The following P3H2 variants were observed in gnomAD, a reference collection of about 807,000 sequenced individuals.
P3H2 encodes the protein leprecan-like 1.
P3H2 carries 80 observed loss-of-function variants against 87.0 expected under a neutral mutation model. That is an observed-to-expected ratio of 0.92 (90% confidence interval 0.77 to 1.11). The LOEUF (loss-of-function observed/expected upper bound fraction) is 1.11. P3H2 is among the 50% of genes least tolerant of loss of function. P3H2 has a pLI of 0.00. For synonymous variants in P3H2, 367 were observed against 359.3 expected (o/e 1.02, Z -0.24); for missense variants, 1,001 against 923.9 (o/e 1.08, Z -1.08).
intron 1 of P3H2, among the ~76,000 whole-genome samples, chr3:190,045,133 C>CT (rs1264196096): frequency 1.3e-5 from 2 of 152,102 alleles, no homozygotes; most frequent in Non-Finnish European, 2.9e-5. Flanking sequence ...TTGAGGAAGA[C>CT]CTTTGGCATC....
chr3:190,099,233 G>A (rs180993802), intron 1 of P3H2, among the ~76,000 whole-genome samples: 23 of 152,264 alleles, frequency 1.5e-4, no homozygotes, highest in Middle Eastern at 3.4e-3. Flanking sequence ...CAAATTATGC[G>A]TGGAACGAAG....
At chr3:190,111,989 T>C (rs1458502131) in intron 1 of P3H2, among the ~76,000 whole-genome samples, 1 of 152,208 alleles carries the variant, frequency 6.6e-6, no homozygotes, top group Non-Finnish European at 1.5e-5. Context: ...TTATCATTAA[T>C]GGAATAATGG....
intron 1 of P3H2, among the ~76,000 whole-genome samples, chr3:190,059,157 C>T (rs1444777787): frequency 6.6e-6 from 1 of 152,140 alleles, no homozygotes. Context: ...CTACCCTACA[C>T]TCCCATAGCC....
chr3:190,064,966 C>G (rs1347644314), intron 1 of P3H2, among the ~76,000 whole-genome samples: 2 of 152,196 alleles, frequency 1.3e-5, no homozygotes, highest in East Asian at 3.9e-4. Flanking sequence ...CTAGGAAAAG[C>G]CTGTTGTTGC....
intron 1 of P3H2, among the ~76,000 whole-genome samples, chr3:190,079,988 A>G (rs1726991689): frequency 6.6e-6 from 1 of 152,316 alleles, no homozygotes; most frequent in East Asian, 1.9e-4. Context: ...AAACTACTCA[A>G]TGAATCATTG....
At chr3:190,051,865 T>C (rs9876409) in intron 1 of P3H2, among the ~76,000 whole-genome samples, 31,765 of 151,912 alleles carry the variant, frequency 0.21, 5,253 homozygotes, top group African/African-American at 0.46. Flanking sequence ...GGATGGAAAA[T>C]TTCTAAGCAC....
intron 1 of P3H2, among the ~76,000 whole-genome samples, chr3:189,999,507 A>G (rs2108927211): frequency 6.6e-6 from 1 of 152,326 alleles, no homozygotes; most frequent in South Asian, 2.1e-4. Flanking sequence ...CATGCTACAT[A>G]TAATGTCATA....
chr3:190,016,727 C>T (rs1249662233), intron 1 of P3H2, among the ~76,000 whole-genome samples: 1 of 152,212 alleles, frequency 6.6e-6, no homozygotes, highest in Non-Finnish European at 1.5e-5. Flanking sequence ...TAAGAGTCAT[C>T]TGGCCAAACC....
chr3:190,113,360 A>G (rs1254810477), intron 1 of P3H2, among the ~76,000 whole-genome samples: 1 of 152,180 alleles, frequency 6.6e-6, no homozygotes, highest in Non-Finnish European at 1.5e-5. Context: ...TATAATTTTA[A>G]TAACTACCAC....
At chr3:190,067,930 GTACA>G (rs1389567032) in intron 1 of P3H2, among the ~76,000 whole-genome samples, 3 of 151,992 alleles carry the variant, frequency 2.0e-5, no homozygotes, top group African/African-American at 7.2e-5. Context: ...AGAAAAAAAT[GTACA>G]TAGTTATAAC....
intron 1 of P3H2, among the ~76,000 whole-genome samples, chr3:190,043,819 G>C (rs1280252215): frequency 6.6e-6 from 1 of 152,174 alleles, no homozygotes; most frequent in Admixed American, 6.5e-5. Flanking sequence ...GTGTCTCCCA[G>C]AGTCAGATGG....
At chr3:190,011,495 A>G (rs923979814) in intron 1 of P3H2, among the ~76,000 whole-genome samples, 1 of 152,182 alleles carries the variant, frequency 6.6e-6, no homozygotes, top group African/African-American at 2.4e-5. Context: ...CACTTATTTT[A>G]TTGGAAGTAA....
In P3H2 at chr3:189,995,291, A is replaced by G. The variant is rs774044548; in HGVS notation, c.632T>C (p.Met211Thr). 28 of 1,613,902 alleles carry G rather than the reference A, an allele frequency of 1.7e-5. No individual in the cohort carries two copies. The highest frequency in any genetic ancestry group is 2.7e-5 in the African/African-American group (2 of 74,898). ...AGGGCAGGGGCCCACAGAGCTTACCATGTGTGGCTTGGCTTCTCTGTCTAC... is the reference window on the plus strand; with the variant it reads ...AGGGCAGGGGCCCACAGAGCTTACCGTGTGTGGCTTGGCTTCTCTGTCTAC... ...QLVDREAKPH[M>T]ESYNAGVKHY... The change falls in exon 2 of 15, where the codon ATG becomes ACG. Residue 211 changes from methionine to threonine, a missense_variant and splice_region_variant. Met to Thr is a moderately conservative substitution (Grantham distance 81). Transcript: ENST00000319332.
chr3:190,017,120 G>A (rs1046566268), intron 1 of P3H2, among the ~76,000 whole-genome samples: 1 of 152,138 alleles, frequency 6.6e-6, no homozygotes, highest in South Asian at 2.1e-4. Flanking sequence ...TCTTCTCTGT[G>A]TTTCCTCCCA....
Position 190,059,829 on chromosome 3 carries a change from C to T in P3H2, c.480+60423G>A, listed in dbSNP as rs1007535. Among the ~76,000 whole-genome samples the T allele has an allele frequency of 6.5e-3, 988 of 152,238 alleles. 6 individuals carry two copies. The highest frequency in any genetic ancestry group is 0.023 in the African/African-American group (957 of 41,540). On this transcript the variant is annotated intron_variant, in intron 1 of 14. Coordinates refer to ENST00000319332, the MANE Select transcript of P3H2 (RefSeq NM_018192.4). ...TCTTCTTGTTCACAAGTCTGACTAACTTCTTGTTTTTCAAGCTTGGAAAAT... is the reference window on the plus strand; with the variant it reads ...TCTTCTTGTTCACAAGTCTGACTAATTTCTTGTTTTTCAAGCTTGGAAAAT...
At chr3:190,073,071 A>C (rs1370335674) in intron 1 of P3H2, among the ~76,000 whole-genome samples, 1 of 152,234 alleles carries the variant, frequency 6.6e-6, no homozygotes, top group East Asian at 1.9e-4. Context: ...AAAAGAGGTA[A>C]TAGAAACAGT....
intron 1 of P3H2, among the ~76,000 whole-genome samples, chr3:190,090,063 A>G (rs1385021789): frequency 6.6e-6 from 1 of 152,058 alleles, no homozygotes. Flanking sequence ...CTGTAGGTAG[A>G]TTTATTTGGG....
intron 12 of P3H2, chr3:189,971,473 CTT>C: frequency 3.7e-6 from 1 of 270,744 alleles, no homozygotes; most frequent in Non-Finnish European, 7.2e-6. Context: ...TTTCTAGTGT[CTT>C]ATTTATAAAA....
At chr3:190,117,615 G>A (rs1712341122) in intron 1 of P3H2, among the ~76,000 whole-genome samples, 1 of 150,980 alleles carries the variant, frequency 6.6e-6, no homozygotes, top group African/African-American at 2.4e-5. Context: ...ACCTGTCAGA[G>A]CTCCAGGATG....
Sources: gnomAD v4.1 joint callset for allele counts (sites outside exome capture counted in the v4.1 genomes callset) on GRCh38, gnomAD v4.1.1 for gene constraint, MANE v1.5 for transcripts, NCBI Gene and HGNC (gene_info 2026-07-23, HGNC 2026-07-21) for gene names.